SNED1: variants seen among roughly 807,000 people sequenced by gnomAD.
SNED1 encodes sushi, nidogen and EGF like domains 1, also known as sushi, nidogen and EGF-like domain-containing protein 1.
A neutral mutation model predicts 166.7 loss-of-function variants in SNED1; 81 were observed. The observed-to-expected ratio is 0.49, with a 90% CI of 0.41 to 0.58. The LOEUF (loss-of-function observed/expected upper bound fraction) is 0.58, where lower values mean the gene tolerates loss of function less well. SNED1 is among the 20% of genes least tolerant of loss of function. The pLI, the probability that SNED1 is intolerant of heterozygous loss-of-function variation, is 0.00. For missense variants in SNED1, 1,604 were observed against 2,000.2 expected, an observed-to-expected ratio of 0.80 and a Z score of 3.78; for synonymous variants, 762 against 822.0, an observed-to-expected ratio of 0.93 and a Z score of 1.25.
chr2:241,025,703 T>G (rs1156559239), intron 1 of SNED1, among the ~76,000 whole-genome samples: 2 of 152,232 alleles, frequency 1.3e-5, no homozygotes, highest in East Asian at 3.8e-4. Flanking sequence ...ATTATCTTTA[T>G]TTTGCCTTCC....
At chr2:241,025,968 G>A (rs1404722595) in intron 1 of SNED1, among the ~76,000 whole-genome samples, 1 of 143,918 alleles carries the variant, frequency 6.9e-6, no homozygotes, top group Non-Finnish European at 1.5e-5. Flanking sequence ...TTGATCTTGT[G>A]CATTTCTGAC....
At chr2:241,081,626 A>G in intron 27 of SNED1, 51 bp from the exon 28 acceptor site, 2 of 1,327,640 alleles carry the variant, frequency 1.5e-6, no homozygotes, top group Non-Finnish European at 2.1e-6. Flanking sequence ...TCCATGAGGC[A>G]GGCCTGTCCT....
At chr2:241,087,811 C>G (rs989334833) in intron 30 of SNED1, 2 of 738,778 alleles carry the variant, frequency 2.7e-6, no homozygotes, top group Non-Finnish European at 3.8e-6. Flanking sequence ...GCGCGTCGCT[C>G]TTTACTTTTT....
chr2:241,066,702 G>A (rs758243837), intron 21 of SNED1, among the ~76,000 whole-genome samples: 4 of 152,198 alleles, frequency 2.6e-5, no homozygotes, highest in Admixed American at 6.5e-5. Flanking sequence ...GGGCGGCCAC[G>A]TGAGTTTGGT....
chr2:241,074,820 C>T (rs2062943746), intron 27 of SNED1: 2 of 152,176 alleles, frequency 1.3e-5, no homozygotes, highest in Non-Finnish European at 2.9e-5. Context: ...AACCTATAAA[C>T]TTGGATGTGA....
At position 241,091,461 on chromosome 2, in the gene SNED1, G is replaced by A. The variant is rs539103197; in HGVS notation, c.*2-177G>A. 2.6e-5 allele frequency among the ~76,000 whole-genome samples: 4 copies of A among 152,220 alleles called. No homozygotes were observed. Among genetic ancestry groups the A allele is most frequent in the South Asian group, 2.1e-4 (1 of 4,834 alleles). Reference sequence around the variant, plus strand: ...GGTAGAATCCTGGTGCTCTAAGAACGCGGGGTCCTCCCCGTGTGCACTGCC... The same window carrying A: ...GGTAGAATCCTGGTGCTCTAAGAACACGGGGTCCTCCCCGTGTGCACTGCC... On this transcript the variant is annotated intron_variant, in intron 31 of 31. Coordinates refer to ENST00000310397, the MANE Select transcript of SNED1 (RefSeq NM_001080437.3). This position sits in a 1 kb window ranked among gnomAD's most constrained non-coding sequence, Gnocchi z 4.1.
At chr2:241,029,710 C>A (rs974196272) in intron 1 of SNED1, among the ~76,000 whole-genome samples, 1 of 152,250 alleles carries the variant, frequency 6.6e-6, no homozygotes, top group Admixed American at 6.5e-5. Flanking sequence ...TGCTCAGAAA[C>A]GTTATGGGGC....
chr2:241,071,361 GCTC>G (rs1293258711), intron 24 of SNED1: 12 of 605,680 alleles, frequency 2.0e-5, no homozygotes, highest in African/African-American at 3.7e-5. Context: ...GCTGCGCATG[GCTC>G]CTCCTCAGAA....
rs183155463 is a variant in SNED1 at position 241,045,994 on chromosome 2, A to G, written c.1274-2321A>G. On this transcript the variant is annotated intron_variant, in intron 8 of 31. Coordinates refer to ENST00000310397, the MANE Select transcript of SNED1 (RefSeq NM_001080437.3). Reference sequence around the variant, plus strand: ...AACAACCCAATTTTAAAAATGGACAAAAGACTTGAACGGATACTTGGCCAC... The same window carrying G: ...AACAACCCAATTTTAAAAATGGACAGAAGACTTGAACGGATACTTGGCCAC... Among the ~76,000 whole-genome samples the G allele has an allele frequency of 7.2e-5, 11 of 152,360 alleles. No homozygotes were observed. The East Asian group carries it at 2.1e-3, about 29-fold the overall frequency.
At position 241,073,167 on chromosome 2, in the gene SNED1, C is replaced by T. The variant is rs892603497; in HGVS notation, c.3818-99C>T. The T allele has an allele frequency of 1.7e-5, 14 of 841,342 alleles. No homozygotes were observed. Among genetic ancestry groups the T allele is most frequent in the African/African-American group, 1.0e-4 (6 of 58,858 alleles). The allele number at this position is 841,342 out of a possible 1,614,324, so 52.1% of individuals were successfully genotyped here. ...GAGCCTGGTCCCCACCAGGGACATC[C>T]GTGCTCCCTGAGATATAGAAGCACT... On this transcript the variant is annotated intron_variant, in intron 26 of 31. Transcript: ENST00000310397. This position sits in a 1 kb window ranked among gnomAD's most constrained non-coding sequence, Gnocchi z 6.6.
Position 241,051,218 on chromosome 2 carries a change from C to A in SNED1, c.1736-526C>A. 6.5e-6 allele frequency: 1 copy of A among 152,730 alleles called. No homozygotes were observed. Among genetic ancestry groups the A allele is most frequent in the Non-Finnish European group, 1.5e-5 (1 of 68,324 alleles). The allele number at this position is 152,730 out of a possible 1,614,324, so 9.5% of individuals were successfully genotyped here. On this transcript the variant is annotated intron_variant, in intron 12 of 31. Transcript: ENST00000310397. The surrounding 1 kb of genome is among the most constrained non-coding windows in gnomAD (Gnocchi z 4.7). ...CAGATGTGCTTGGTTTCGCAGACAC[C>A]TTTAAATATGTGCTTGCCTCAAGCA...
rs750055681 is a variant in SNED1 at position 241,063,516 on chromosome 2, C to T, written c.2372-71C>T. 1.9e-5 allele frequency: 19 copies of T among 985,520 alleles called. 1 individual carries two copies. Among genetic ancestry groups the T allele is most frequent in the South Asian group, 9.6e-5 (7 of 72,754 alleles). 61.0% of individuals were successfully genotyped at this position (985,520 alleles called of 1,614,324 possible). Reference sequence around the variant, plus strand: ...GGTAACTGAAGCCCCAGGAAATGCACGGAATCCTGGGGGCATGTGGGCGCC... The same window carrying T: ...GGTAACTGAAGCCCCAGGAAATGCATGGAATCCTGGGGGCATGTGGGCGCC... On this transcript the variant is annotated intron_variant, in intron 17 of 31. Transcript: ENST00000310397.
In SNED1 at chr2:241,064,255, G is replaced by A. The variant is rs964694915; in HGVS notation, c.2599+130G>A. On this transcript the variant is annotated intron_variant, in intron 19 of 31. Coordinates refer to ENST00000310397, the MANE Select transcript of SNED1 (RefSeq NM_001080437.3). This position sits in a 1 kb window ranked among gnomAD's most constrained non-coding sequence, Gnocchi z 7.0. ...GCCTGCTCCCCGCCCTCTGCCCGCC[G>A]CCTTGGAAGTCCCCTTCTCAGGCCA... The A allele has an allele frequency of 1.1e-5, 7 of 626,340 alleles. No homozygotes were observed. The highest frequency in any genetic ancestry group is 6.1e-5 in the East Asian group (2 of 32,670). 38.8% of individuals were successfully genotyped at this position (626,340 alleles called of 1,614,324 possible).
rs549503392 is a variant in SNED1 at position 241,079,179 on chromosome 2, G to A, written c.3917-2498G>A. 1.0e-4 allele frequency among the ~76,000 whole-genome samples: 15 copies of A among 149,492 alleles called. No homozygotes were observed. In the East Asian group the frequency reaches 1.8e-3, roughly 18 times the overall value. On this transcript the variant is annotated intron_variant, in intron 27 of 31. Coordinates refer to ENST00000310397, the MANE Select transcript of SNED1 (RefSeq NM_001080437.3). ...TGTAATCCCAGCACTTTGGGAGGCCGAGGCAGGTGGATCACAAGTTCAGGA... is the reference window on the plus strand; with the variant it reads ...TGTAATCCCAGCACTTTGGGAGGCCAAGGCAGGTGGATCACAAGTTCAGGA...
chr2:241,065,205 A>T, intron 20 of SNED1, 94 bp from the exon 21 acceptor site: 1 of 1,330,466 alleles, frequency 7.5e-7, no homozygotes. Context: ...GTCAGGCCCA[A>T]GAGCCAGACC....
At chr2:241,083,012 G>A (rs1218414077) in intron 29 of SNED1, among the ~76,000 whole-genome samples, 1 of 152,164 alleles carries the variant, frequency 6.6e-6, no homozygotes, top group Non-Finnish European at 1.5e-5. Flanking sequence ...GAACAGAGCA[G>A]ACCAAAGCCC....
chr2:240,998,985 G>A lies in SNED1; in HGVS notation c.148G>A (p.Gly50Ser). The A allele has an allele frequency of 7.5e-7, 1 of 1,327,796 alleles. No individual in the cohort carries two copies. Among genetic ancestry groups the A allele is most frequent in the Non-Finnish European group, 9.7e-7 (1 of 1,035,298 alleles). The allele number at this position is 1,327,796 out of a possible 1,614,324, so 82.3% of individuals were successfully genotyped here. ...CGTCACCCCCAAGCAGGACGACGGC[G>A]GCTCGGGGCTGCGGCCGCTCTCGGT... ...DAVTPKQDDG[G>S]SGLRPLSVPF... Residue 50 changes from glycine to serine, a missense_variant, in exon 1 of 32, where the codon GGC (glycine) becomes AGC (serine). Coordinates refer to ENST00000310397, the MANE Select transcript of SNED1 (RefSeq NM_001080437.3).
chr2:241,051,945 G>A lies in SNED1; in HGVS notation c.1852+85G>A. ...CCCTGATGCACCCTCCCTGCCAGCT[G>A]TGGGTCTGCTTCTCATGAAGAGGCC... On this transcript the variant is annotated intron_variant, in intron 13 of 31. Transcript: ENST00000310397. The surrounding 1 kb of genome is among the most constrained non-coding windows in gnomAD (Gnocchi z 4.7). The A allele has an allele frequency of 1.4e-6, 2 of 1,477,328 alleles. No homozygotes were observed. Among genetic ancestry groups the A allele is most frequent in the Non-Finnish European group, 1.9e-6 (2 of 1,078,954 alleles). The allele number at this position is 1,477,328 out of a possible 1,614,324, so 91.5% of individuals were successfully genotyped here.
At chr2:241,005,385 G>C (rs2106541009) in intron 1 of SNED1, among the ~76,000 whole-genome samples, 1 of 151,988 alleles carries the variant, frequency 6.6e-6, no homozygotes, top group Middle Eastern at 3.4e-3. Flanking sequence ...TGTATTTTTA[G>C]TAGAGATGAG....
Sources: allele counts gnomAD v4.1 joint callset (sites outside exome capture counted in the v4.1 genomes callset), GRCh38; gene constraint gnomAD v4.1.1; non-coding constraint Gnocchi (gnomAD v3.1); transcripts MANE v1.5; gene names NCBI Gene and HGNC (gene_info 2026-07-23, HGNC 2026-07-21).